Variants in TANK observed in about 807,000 individuals in gnomAD.
TANK encodes TRAF family member-associated NF-kappa-B activator.
TANK carries 15 observed loss-of-function variants against 43.6 expected under a neutral mutation model. That is an observed-to-expected ratio of 0.34 (90% confidence interval 0.23 to 0.53). The LOEUF (loss-of-function observed/expected upper bound fraction) is 0.53. Among genes scored for constraint, TANK ranks in the 20% least tolerant of loss-of-function variants. The pLI is 0.94. For missense variants in TANK, 417 were observed against 498.6 expected (o/e 0.84, Z 1.56); for synonymous variants, 162 against 178.2 (o/e 0.91, Z 0.73).
intron 2 of TANK, chr2:161,200,479 C>T: frequency 2.1e-6 from 2 of 956,190 alleles, no homozygotes; most frequent in Non-Finnish European, 1.2e-6. Flanking sequence ...CTGGTTATTT[C>T]CCAGTTTGAT....
At chr2:161,221,616 A>T (rs1188915253) in intron 4 of TANK, among the ~76,000 whole-genome samples, 1 of 151,794 alleles carries the variant, frequency 6.6e-6, no homozygotes, top group Non-Finnish European at 1.5e-5. Context: ...GTTATGCCCC[A>T]TTCTAAATAA....
chr2:161,189,880 C>T (rs865813278), intron 2 of TANK, among the ~76,000 whole-genome samples: 14 of 152,016 alleles, frequency 9.2e-5, no homozygotes, highest in Middle Eastern at 3.2e-3. Context: ...CCATGAAAGA[C>T]TTAGAAGAAA....
At position 161,231,324 on chromosome 2, in the gene TANK, G is replaced by A. The variant is rs10183668; in HGVS notation, c.874G>A (p.Gly292Arg). The A allele has an allele frequency of 9.0e-3, 14,497 of 1,614,072 alleles. 813 individuals are homozygous for A. The African/African-American group carries it at 0.14, about 16-fold the overall frequency. Residue 292 changes from glycine to arginine, a missense_variant, in exon 7 of 8, where the codon GGA becomes AGA. By Grantham distance (125) the Gly-to-Arg change is moderately radical. Transcript: ENST00000392749. ...KTEETLFEIQGIDPIASAIQN... is the reference protein window; with the variant it reads ...KTEETLFEIQRIDPIASAIQN... ...AGAAGAAACTTTATTTGAAATTCAG[G>A]GAATTGACCCCATAGCTTCAGCTAT... is the stretch of plus-strand genomic sequence containing the variant.
chr2:161,231,392 C>T lies in TANK; in HGVS notation c.942C>T (p.Leu314=), dbSNP rs200005771. ...CTGACAAAACAAAGCCCTCAAATCT[C>T]GTAAACACTTGTATCAGGACAACTC... ...KTTDKTKPSN[L]VNTCIRTTLD... The change falls in exon 7 of 8, where the codon CTC becomes CTT. Residue 314 remains leucine (L), a synonymous_variant. Coordinates refer to ENST00000392749, the MANE Select transcript of TANK (RefSeq NM_001199135.3). 3.9e-5 allele frequency: 63 copies of T among 1,614,028 alleles called. No individual in the cohort carries two copies. Among genetic ancestry groups the T allele is most frequent in the Non-Finnish European group, 4.9e-5 (58 of 1,180,028 alleles).
intron 2 of TANK, among the ~76,000 whole-genome samples, chr2:161,188,045 G>A (rs76438789): frequency 0.035 from 5,326 of 152,154 alleles, 187 homozygotes; most frequent in East Asian, 0.17. Context: ...AAACTTCTAG[G>A]ATGCAGTAAA....
chr2:161,153,916 C>A (rs569284447), intron 1 of TANK, among the ~76,000 whole-genome samples: 3 of 152,224 alleles, frequency 2.0e-5, no homozygotes, highest in African/African-American at 7.2e-5. Flanking sequence ...ATGAACGAGG[C>A]AACTTTAACA....
At chr2:161,147,678 C>T (rs963461252) in intron 1 of TANK, among the ~76,000 whole-genome samples, 4 of 152,284 alleles carry the variant, frequency 2.6e-5, no homozygotes, top group East Asian at 3.9e-4. Flanking sequence ...TGGATACCTC[C>T]GTTGCCAGTG....
chr2:161,215,006 G>A (rs1574049058), intron 4 of TANK, among the ~76,000 whole-genome samples: 1 of 152,138 alleles, frequency 6.6e-6, no homozygotes, highest in East Asian at 1.9e-4. Context: ...ACATTACCTA[G>A]TCTTTCAAAT....
chr2:161,163,508 A>C (rs1684536346), intron 1 of TANK: 1 of 152,110 alleles, frequency 6.6e-6, no homozygotes. Flanking sequence ...TCTCTTCTTC[A>C]GTTATGTTAC....
At chr2:161,207,168 A>G (rs2105351253) in intron 4 of TANK, among the ~76,000 whole-genome samples, 1 of 152,252 alleles carries the variant, frequency 6.6e-6, no homozygotes, top group African/African-American at 2.4e-5. Flanking sequence ...TCTGTGAAAT[A>G]TATATTTGGA....
chr2:161,202,816 T>C, intron 2 of TANK: 1 of 454,318 alleles, frequency 2.2e-6, no homozygotes, highest in Non-Finnish European at 4.5e-6. Context: ...AGCATCTGTA[T>C]TCCTCAGTAC....
intron 4 of TANK, among the ~76,000 whole-genome samples, chr2:161,218,920 A>C (rs983331201): frequency 6.6e-5 from 10 of 152,174 alleles, no homozygotes; most frequent in Admixed American, 6.5e-4. Context: ...ACCACCATGC[A>C]CAGCACAGAT....
chr2:161,232,386 AT>A (rs1687957059), intron 7 of TANK, among the ~76,000 whole-genome samples: 1 of 152,184 alleles, frequency 6.6e-6, no homozygotes, highest in Admixed American at 6.5e-5. Flanking sequence ...TTGCCTTGAG[AT>A]ATTTAATTTT....
At chr2:161,214,718 A>C (rs1687043211) in intron 4 of TANK, among the ~76,000 whole-genome samples, 1 of 152,186 alleles carries the variant, frequency 6.6e-6, no homozygotes, top group Admixed American at 6.5e-5. Context: ...CTGGGATTTC[A>C]TTTTATTCTA....
chr2:161,150,458 ACT>A (rs1221000755), intron 1 of TANK, among the ~76,000 whole-genome samples: 1 of 150,244 alleles, frequency 6.7e-6, no homozygotes, highest in African/African-American at 2.5e-5. Context: ...CTGTGTTTCT[ACT>A]CTCTGTTTCA....
chr2:161,201,183 G>A lies in TANK; in HGVS notation c.100-2304G>A, dbSNP rs182175341. 62 of 985,044 alleles carry A rather than the reference G, an allele frequency of 6.3e-5. No homozygotes were observed. The East Asian group carries it at 4.4e-3, about 70-fold the overall frequency. 61.0% of individuals were successfully genotyped at this position (985,044 alleles called of 1,614,324 possible). ...TTTAAAATTATTGTAGACTTTGCTC[G>A]ACCTTTATAATACTTTATTAAGTAG... On this transcript the variant is annotated intron_variant, in intron 2 of 7. Transcript: ENST00000392749.
intron 2 of TANK, among the ~76,000 whole-genome samples, chr2:161,194,807 A>G (rs1419293561): frequency 6.6e-6 from 1 of 152,188 alleles, no homozygotes; most frequent in East Asian, 1.9e-4. Context: ...ATTTTCACAT[A>G]AAATGTAAAT....
At chr2:161,180,651 C>A (rs1251484513) in intron 2 of TANK, among the ~76,000 whole-genome samples, 1 of 152,058 alleles carries the variant, frequency 6.6e-6, no homozygotes, top group East Asian at 1.9e-4. Context: ...TCAGAAGTCT[C>A]CAATTTCACC....
At chr2:161,161,719 G>T in intron 1 of TANK, 1 of 285,706 alleles carries the variant, frequency 3.5e-6, no homozygotes, top group South Asian at 6.1e-5. Context: ...GTACTGCATT[G>T]TGTAGATGTA....
Sources: gnomAD v4.1 joint callset for allele counts (sites outside exome capture counted in the v4.1 genomes callset) on GRCh38, gnomAD v4.1.1 for gene constraint, MANE v1.5 for transcripts, NCBI Gene and HGNC (gene_info 2026-07-23, HGNC 2026-07-21) for gene names.